Variants in AFDN observed in about 807,000 individuals in gnomAD.
The protein encoded by AFDN is afadin.
AFDN carries 68 observed loss-of-function variants against 216.6 expected under a neutral mutation model. The ratio of observed to expected loss-of-function variants is 0.31; its 90% confidence interval spans 0.26 to 0.38. AFDN has a LOEUF of 0.38. Ranked by LOEUF, AFDN falls within the 10% of genes least tolerant of loss-of-function variation. The pLI, the probability that AFDN is intolerant of heterozygous loss-of-function variation, is 1.00. For missense variants in AFDN, 2,136 were observed against 2,342.0 expected (o/e 0.91, Z 1.82); for synonymous variants, 868 against 853.7 (o/e 1.02, Z -0.29).
Position 167,867,522 on chromosome 6 carries a change from C to T in AFDN, c.301+2776C>T, listed in dbSNP as rs962799778. Among the ~76,000 whole-genome samples the T allele has an allele frequency of 1.1e-4, 17 of 151,496 alleles. 1 individual carries two copies. The highest frequency in any genetic ancestry group is 2.9e-4 in the African/African-American group (12 of 41,232). ...TTGGCTCACGGCAACCTCCGCCTCC[C>T]GGGTTCACGCGATTCTCCTGCCTCA... On this transcript the variant is annotated intron_variant, in intron 2 of 33. Coordinates refer to ENST00000683244, the MANE Select transcript of AFDN (RefSeq NM_001386888.1).
At chr6:167,858,464 T>TAA (rs1783150069) in intron 1 of AFDN, among the ~76,000 whole-genome samples, 3 of 152,218 alleles carry the variant, frequency 2.0e-5, no homozygotes, top group Non-Finnish European at 2.9e-5. Context: ...CTCTGTTTTG[T>TAA]TAGTTTTCTT....
intron 29 of AFDN, among the ~76,000 whole-genome samples, chr6:167,949,978 G>A (rs1165457711): frequency 1.3e-5 from 2 of 152,196 alleles, no homozygotes; most frequent in Admixed American, 6.5e-5. Context: ...GCCGGGGCCA[G>A]TGCAAAGTCT....
chr6:167,920,403 C>T (rs1403581467), intron 21 of AFDN, among the ~76,000 whole-genome samples: 1 of 152,154 alleles, frequency 6.6e-6, no homozygotes, highest in Admixed American at 6.5e-5. Flanking sequence ...GGCAGGCACT[C>T]GGCCACCACG....
chr6:167,962,428 G>C lies in AFDN; in HGVS notation c.4834-5G>C, dbSNP rs773952323. 1 of 1,613,484 alleles carries C rather than the reference G, an allele frequency of 6.2e-7. No individual in the cohort carries two copies. The highest frequency in any genetic ancestry group is 8.5e-7 in the Non-Finnish European group (1 of 1,179,770). ...GGAGGGAGATTAATGTCAGCCTGTT[G>C]TTAGTTGCAGGACGAGGAGCGGAGG... On this transcript the variant is annotated splice_polypyrimidine_tract_variant and splice_region_variant and intron_variant, in intron 30 of 33. Transcript: ENST00000683244. The surrounding 1 kb of genome is among the most constrained non-coding windows in gnomAD (Gnocchi z 5.2).
rs76317646 is a variant in AFDN, at chr6:167,947,840, C to T, written c.3554-13C>T. 6.3e-7 allele frequency: 1 copy of T among 1,576,926 alleles called. No individual in the cohort carries two copies. Among genetic ancestry groups the T allele is most frequent in the Non-Finnish European group, 8.7e-7 (1 of 1,154,406 alleles). On this transcript the variant is annotated splice_polypyrimidine_tract_variant and intron_variant, in intron 27 of 33. Coordinates refer to ENST00000683244, the MANE Select transcript of AFDN (RefSeq NM_001386888.1). ...AATATTACACTTTTTTTTTTCCCCC[C>T]TGACTTGAGCAGATCAGCCTCCTAG... is the stretch of plus-strand genomic sequence containing the variant.
At chr6:167,850,943 G>T (rs1274737243) in intron 1 of AFDN, among the ~76,000 whole-genome samples, 1 of 151,948 alleles carries the variant, frequency 6.6e-6, no homozygotes, top group African/African-American at 2.4e-5. Context: ...GCCGATCTCG[G>T]CTCATTGCAA....
intron 1 of AFDN, among the ~76,000 whole-genome samples, chr6:167,856,920 A>G (rs1322584980): frequency 6.6e-6 from 1 of 152,144 alleles, no homozygotes; most frequent in Admixed American, 6.5e-5. Context: ...ATAAAATTGT[A>G]TAGTTTTGTT....
intron 30 of AFDN, among the ~76,000 whole-genome samples, chr6:167,960,402 A>G (rs907131539): frequency 1.4e-4 from 2 of 14,316 alleles, no homozygotes; most frequent in Non-Finnish European, 2.1e-4. Context: ...AATTATGAAA[A>G]TAATTGTTCT....
intron 15 of AFDN, chr6:167,912,226 T>C (rs1434586612): frequency 6.6e-6 from 1 of 152,238 alleles, no homozygotes; most frequent in Non-Finnish European, 1.5e-5. Flanking sequence ...TTCATAGCAG[T>C]TTTTCATCTA....
At chr6:167,864,281 C>T (rs1783917876) in intron 1 of AFDN, 1 of 654,620 alleles carries the variant, frequency 1.5e-6, no homozygotes, top group African/African-American at 1.8e-5. Context: ...TTGCCAAGGA[C>T]CAATAGATGT....
intron 33 of AFDN, 108 bp from the exon 34 acceptor site, chr6:167,969,674 A>G: frequency 9.4e-7 from 1 of 1,063,268 alleles, no homozygotes; most frequent in East Asian, 2.5e-5. Flanking sequence ...AGCACAATTT[A>G]ACAAAGAATG....
chr6:167,864,274 C>T (rs770630814), intron 1 of AFDN: 1 of 639,774 alleles, frequency 1.6e-6, no homozygotes, highest in African/African-American at 1.8e-5. Context: ...CTACCACTTG[C>T]CAAGGACCAA....
At chr6:167,923,119 T>G (rs1213822229) in intron 22 of AFDN, 160 bp downstream of exon 22, 1 of 554,204 alleles carries the variant, frequency 1.8e-6, no homozygotes, top group Admixed American at 3.6e-5. Context: ...ATAATTCATA[T>G]ATATGTATTT....
At chr6:167,884,198 T>G (rs564681774) in intron 6 of AFDN, among the ~76,000 whole-genome samples, 5 of 152,356 alleles carry the variant, frequency 3.3e-5, no homozygotes, top group South Asian at 4.1e-4. Flanking sequence ...CTTCCTGTTT[T>G]CACCTCATCT....
chr6:167,831,729 T>C (rs1194450486), intron 1 of AFDN, among the ~76,000 whole-genome samples: 1 of 152,226 alleles, frequency 6.6e-6, no homozygotes, highest in East Asian at 1.9e-4. Flanking sequence ...TAGGATATGA[T>C]ACCAAATTGG....
At chr6:167,947,355 AT>A (rs1317798390) in intron 27 of AFDN, among the ~76,000 whole-genome samples, 31 of 151,854 alleles carry the variant, frequency 2.0e-4, no homozygotes, top group African/African-American at 6.0e-4. Context: ...AATTTTTTGT[AT>A]TTTTAGTAGA....
At chr6:167,927,858 A>G (rs79150689) in intron 23 of AFDN, among the ~76,000 whole-genome samples, 1,828 of 152,368 alleles carry the variant, frequency 0.012, 36 homozygotes, top group African/African-American at 0.042. Flanking sequence ...TGTCAGCCAT[A>G]GAGCTATGTT....
chr6:167,897,664 T>TG (rs1788444640), intron 10 of AFDN, among the ~76,000 whole-genome samples: 1 of 112,072 alleles, frequency 8.9e-6, no homozygotes, highest in South Asian at 3.4e-4. Context: ...TTTTTTTTTT[T>TG]TTTGAGACAG....
chr6:167,828,476 ACACAC>A (rs1328518052), intron 1 of AFDN, among the ~76,000 whole-genome samples: 2 of 152,168 alleles, frequency 1.3e-5, no homozygotes, highest in Non-Finnish European at 2.9e-5. Context: ...TTGAATACTG[ACACAC>A]GCCATTAGGC....
Sources: gnomAD v4.1 joint callset for allele counts (sites outside exome capture counted in the v4.1 genomes callset) on GRCh38, gnomAD v4.1.1 for gene constraint, Gnocchi (gnomAD v3.1) non-coding constraint, MANE v1.5 for transcripts, NCBI Gene and HGNC (gene_info 2026-07-23, HGNC 2026-07-21) for gene names.